C1GALT1: variants seen among roughly 807,000 people sequenced by gnomAD.
C1GALT1 encodes glycoprotein-N-acetylgalactosamine 3-beta-galactosyltransferase 1.
A neutral mutation model predicts 31.0 loss-of-function variants in C1GALT1; 11 were observed. That is an observed-to-expected ratio of 0.36 (90% confidence interval 0.22 to 0.59). C1GALT1 has a LOEUF of 0.59. Ranked by LOEUF, C1GALT1 falls within the 20% of genes least tolerant of loss-of-function variation. The pLI, the probability that C1GALT1 is intolerant of heterozygous loss-of-function variation, is 0.79. For missense variants in C1GALT1, 424 were observed against 425.2 expected (o/e 1.00, Z 0.03); for synonymous variants, 175 against 143.6 (o/e 1.22, Z -1.56).
intron 1 of C1GALT1, among the ~76,000 whole-genome samples, chr7:7,197,842 C>A (rs1402234106): frequency 6.6e-6 from 1 of 151,546 alleles, no homozygotes; most frequent in African/African-American, 2.4e-5. Context: ...GGCTCTCTGT[C>A]TGTTATTGGT....
chr7:7,241,998 G>C (rs1184517120), intron 3 of C1GALT1, among the ~76,000 whole-genome samples: 1 of 151,796 alleles, frequency 6.6e-6, no homozygotes, highest in Non-Finnish European at 1.5e-5. Context: ...ACTATTACTG[G>C]TCTAGTCCTT....
At chr7:7,162,772 A>C (rs13310459) in intron 2 of C1GALT1, among the ~76,000 whole-genome samples, 237 of 151,266 alleles carry the variant, frequency 1.6e-3, no homozygotes, top group East Asian at 6.1e-3. Context: ...TCCTCTCCGG[A>C]ACCTGTTGTT....
In C1GALT1 at chr7:7,248,382, A is replaced by G. The variant is rs1261839830; in HGVS notation, c.*4655A>G. ...GAAGTATATTATTAGAGGGAAACTA[A>G]TCTTACTGCTAAGCAGTGTGTTGTA... On this transcript the variant is annotated 3_prime_UTR_variant, in exon 4 of 4. Transcript: ENST00000436587. 1 of 152,008 alleles carries G rather than the reference A, an allele frequency of 6.6e-6. No individual in the cohort carries two copies. The highest frequency in any genetic ancestry group is 2.4e-5 in the African/African-American group (1 of 41,432). The allele number at this position is 152,008 out of a possible 1,614,324, so 9.4% of individuals were successfully genotyped here.
chr7:7,208,135 C>T (rs1403447020), intron 1 of C1GALT1, among the ~76,000 whole-genome samples: 1 of 152,106 alleles, frequency 6.6e-6, no homozygotes, highest in East Asian at 1.9e-4. Context: ...CACTTAGCAG[C>T]TGTCTTGATT....
intron 1 of C1GALT1, among the ~76,000 whole-genome samples, chr7:7,208,370 G>A (rs1781843613): frequency 6.6e-6 from 1 of 152,034 alleles, no homozygotes; most frequent in Non-Finnish European, 1.5e-5. Flanking sequence ...GTATATTTAG[G>A]AAAAAACATA....
intron 1 of C1GALT1, among the ~76,000 whole-genome samples, chr7:7,228,299 T>C (rs529982543): frequency 2.0e-5 from 3 of 152,256 alleles, no homozygotes; most frequent in African/African-American, 7.2e-5. Context: ...AATATAAATT[T>C]TAGTTGTCCC....
upstream of C1GALT1, among the ~76,000 whole-genome samples, chr7:7,180,116 T>C (rs184205429): frequency 3.3e-4 from 50 of 152,334 alleles, no homozygotes; most frequent in African/African-American, 1.2e-3. Flanking sequence ...ACCGACCTAC[T>C]CCAACGAGTT....
chr7:7,183,525 C>T (rs1455106695), intron 1 of C1GALT1: 3 of 976,790 alleles, frequency 3.1e-6, no homozygotes, highest in East Asian at 1.1e-4. Flanking sequence ...CTTCTGCACC[C>T]CATTTTTCCC....
chr7:7,171,729 C>G (rs1399199540), intron 2 of C1GALT1, among the ~76,000 whole-genome samples: 1 of 151,984 alleles, frequency 6.6e-6, no homozygotes, highest in Admixed American at 6.6e-5. Flanking sequence ...ATTCGCTTCT[C>G]ATTTCCTTTT....
At chr7:7,233,103 AT>A (rs1783164858) in intron 1 of C1GALT1, among the ~76,000 whole-genome samples, 1 of 152,138 alleles carries the variant, frequency 6.6e-6, no homozygotes, top group Non-Finnish European at 1.5e-5. Flanking sequence ...ACTTCACCAT[AT>A]AGTAATTGTT....
At chr7:7,175,256 G>C (rs1330741994) in intron 2 of C1GALT1, among the ~76,000 whole-genome samples, 1 of 152,350 alleles carries the variant, frequency 6.6e-6, no homozygotes, top group East Asian at 1.9e-4. Context: ...TGTTCAGCTA[G>C]TGTTTTGGCA....
At chr7:7,197,718 T>C (rs1781358629) in intron 1 of C1GALT1, among the ~76,000 whole-genome samples, 1 of 152,198 alleles carries the variant, frequency 6.6e-6, no homozygotes, top group African/African-American at 2.4e-5. Context: ...TTTATTTTGT[T>C]GAGCAGTGGT....
At chr7:7,234,226 A>C in intron 1 of C1GALT1, 77 bp from the exon 2 acceptor site, 1 of 1,066,186 alleles carries the variant, frequency 9.4e-7, no homozygotes. Context: ...GTTATAGCTA[A>C]ATGTTACCAG....
chr7:7,191,685 G>A (rs1474930647), intron 1 of C1GALT1, among the ~76,000 whole-genome samples: 1 of 152,110 alleles, frequency 6.6e-6, no homozygotes, highest in Admixed American at 6.6e-5. Context: ...TGGGTATAAG[G>A]TAGCATCTCA....
intron 2 of C1GALT1, among the ~76,000 whole-genome samples, chr7:7,174,180 TTAA>T (rs930547226): frequency 1.4e-4 from 21 of 152,176 alleles, no homozygotes; most frequent in Non-Finnish European, 1.5e-5. Flanking sequence ...GGCTCCACCC[TTAA>T]CTTGCACTAC....
intron 1 of C1GALT1, among the ~76,000 whole-genome samples, chr7:7,202,622 G>A (rs141962822): frequency 1.2e-4 from 18 of 152,096 alleles, no homozygotes; most frequent in African/African-American, 3.6e-4. Flanking sequence ...TTTTATTAAC[G>A]TAGCTTTGTA....
chr7:7,234,216 G>T (rs11976941), intron 1 of C1GALT1, 87 bp from the exon 2 acceptor site: 7 of 944,196 alleles, frequency 7.4e-6, no homozygotes, highest in Non-Finnish European at 1.1e-5. Context: ...TTAACTTTCC[G>T]TTATAGCTAA....
intron 1 of C1GALT1, chr7:7,209,641 C>T (rs899235064): frequency 6.6e-6 from 1 of 152,150 alleles, no homozygotes; most frequent in Admixed American, 6.5e-5. Context: ...ATAGGACATT[C>T]GTGGAGAAAG....
chr7:7,192,591 G>T (rs1189851169), intron 1 of C1GALT1, among the ~76,000 whole-genome samples: 1 of 151,984 alleles, frequency 6.6e-6, no homozygotes, highest in African/African-American at 2.4e-5. Context: ...TATTTTTGCA[G>T]TTACAAATTG....
Sources: allele counts gnomAD v4.1 joint callset (sites outside exome capture counted in the v4.1 genomes callset), GRCh38; gene constraint gnomAD v4.1.1; transcripts MANE v1.5; gene names NCBI Gene and HGNC (gene_info 2026-07-23, HGNC 2026-07-21).